Variants in SLC8A3 observed in about 807,000 individuals in gnomAD.
SLC8A3 encodes the protein sodium/calcium exchanger 3.
In SLC8A3, 37 loss-of-function variants were observed where a neutral mutation model predicts 65.4. The observed-to-expected ratio is 0.57, with a 90% CI of 0.44 to 0.74. SLC8A3 has a LOEUF of 0.74. Among genes scored for constraint, SLC8A3 ranks in the 30% least tolerant of loss-of-function variants. SLC8A3 has a pLI of 0.00. For missense variants in SLC8A3, 1,112 were observed against 1,172.1 expected, an observed-to-expected ratio of 0.95 and a Z score of 0.75; for synonymous variants, 461 against 444.5, an observed-to-expected ratio of 1.04 and a Z score of -0.47.
intron 2 of SLC8A3, among the ~76,000 whole-genome samples, chr14:70,145,512 C>T (rs1385006470): frequency 6.6e-6 from 1 of 152,162 alleles, no homozygotes; most frequent in Non-Finnish European, 1.5e-5. Flanking sequence ...AGCCCTGGCC[C>T]CCTCACTAGA....
chr14:70,158,444 A>G (rs1260955658), intron 2 of SLC8A3, among the ~76,000 whole-genome samples: 1 of 152,256 alleles, frequency 6.6e-6, no homozygotes, highest in African/African-American at 2.4e-5. Flanking sequence ...AGATGGCAGT[A>G]GTAGTCATCC....
chr14:70,127,158 T>C lies in SLC8A3; in HGVS notation c.1784+39481A>G, dbSNP rs558657440. Among the ~76,000 whole-genome samples the C allele has an allele frequency of 9.9e-5, 14 of 141,616 alleles. 1 individual carries two copies. The East Asian group carries it at 3.1e-3, about 31-fold the overall frequency. The allele number at this position is 141,616 out of a possible 152,430, so 92.9% of individuals were successfully genotyped here. A position where few individuals can be genotyped will look rare whatever the true frequency, so the allele number is the denominator to read the frequency against. ...AGTAATTTACAAGCAAATTAAACTA[T>C]AAGGGGGCAGAAAGGATTGGGGGTA... is the stretch of plus-strand genomic sequence containing the variant. On this transcript the variant is annotated intron_variant, in intron 2 of 6. Transcript: ENST00000356921.
intron 2 of SLC8A3, among the ~76,000 whole-genome samples, chr14:70,095,289 C>A (rs1228000346): frequency 6.6e-6 from 1 of 152,170 alleles, no homozygotes; most frequent in Non-Finnish European, 1.5e-5. Context: ...CCCTAGGACC[C>A]CCTGGCCAGC....
intron 2 of SLC8A3, among the ~76,000 whole-genome samples, chr14:70,127,209 CCA>C (rs750079521): frequency 4.0e-4 from 61 of 152,214 alleles, no homozygotes; most frequent in Middle Eastern, 3.4e-3. Context: ...AAGCTGTATT[CCA>C]GTCACCTACC....
chr14:70,109,027 GT>G (rs1257250998), intron 2 of SLC8A3, among the ~76,000 whole-genome samples: 3 of 152,168 alleles, frequency 2.0e-5, no homozygotes, highest in Middle Eastern at 3.4e-3. Context: ...ATTGATGTCT[GT>G]CTCAGCACTC....
chr14:70,049,017 G>C lies in SLC8A3; in HGVS notation c.2139C>G (p.Ser713=). The C allele has an allele frequency of 6.2e-7, 1 of 1,612,568 alleles. No homozygotes were observed. The highest frequency in any genetic ancestry group is 1.1e-5 in the South Asian group (1 of 90,842). The change falls in exon 6 of 7, where the codon TCC becomes TCG. Residue 713 remains serine, a synonymous_variant. Coordinates refer to ENST00000356921, the MANE Select transcript of SLC8A3 (RefSeq NM_182932.3). The stretch of plus-strand genomic sequence containing the variant: ...AGCAGGAGGGCAGCCTCTCCTCCCC[G>C]GATTCATCCTCATCCTCATCCCCTG... ...SAAGDEDEDE[S]GEERLPSCFD... is the part of the protein sequence containing the mutation.
chr14:70,107,445 C>T (rs1048762673), intron 2 of SLC8A3, among the ~76,000 whole-genome samples: 3 of 152,094 alleles, frequency 2.0e-5, no homozygotes, highest in African/African-American at 7.3e-5. Flanking sequence ...CAGATCCTAT[C>T]GACAAGGGCA....
intron 2 of SLC8A3, among the ~76,000 whole-genome samples, chr14:70,066,936 A>G (rs974648731): frequency 6.6e-6 from 1 of 152,112 alleles, no homozygotes; most frequent in African/African-American, 2.4e-5. Flanking sequence ...CCTTCCCCAC[A>G]TTATAGCCAG....
intron 2 of SLC8A3, among the ~76,000 whole-genome samples, chr14:70,102,818 A>G (rs1892626957): frequency 6.6e-6 from 1 of 152,124 alleles, no homozygotes; most frequent in Admixed American, 6.5e-5. Context: ...CTATGGGACA[A>G]CGTCATGCAG....
chr14:70,078,107 A>G (rs1890700763), intron 2 of SLC8A3, among the ~76,000 whole-genome samples: 4 of 152,240 alleles, frequency 2.6e-5, no homozygotes. Context: ...CAGGGCTGCT[A>G]CCTTTCCAAT....
At chr14:70,085,120 A>T (rs899879733) in intron 2 of SLC8A3, among the ~76,000 whole-genome samples, 2 of 152,360 alleles carry the variant, frequency 1.3e-5, no homozygotes. Flanking sequence ...TTCACATGAC[A>T]TGGACAAACA....
intron 2 of SLC8A3, 69 bp downstream of exon 2, chr14:70,166,570 T>C: frequency 1.1e-6 from 1 of 917,640 alleles, no homozygotes; most frequent in Middle Eastern, 2.4e-4. Flanking sequence ...TAAAGTGCAG[T>C]ACAGAAAGAC....
intron 2 of SLC8A3, among the ~76,000 whole-genome samples, chr14:70,146,886 A>G (rs1031329092): frequency 1.3e-5 from 2 of 152,248 alleles, no homozygotes; most frequent in Non-Finnish European, 2.9e-5. Flanking sequence ...GGCAGGAGTT[A>G]TAATGCTGTT....
intron 2 of SLC8A3, among the ~76,000 whole-genome samples, chr14:70,074,616 A>T (rs1890308795): frequency 6.6e-6 from 1 of 152,236 alleles, no homozygotes; most frequent in Non-Finnish European, 1.5e-5. Flanking sequence ...GTCTGAAGTT[A>T]TTCTTATGGT....
intron 2 of SLC8A3, among the ~76,000 whole-genome samples, chr14:70,108,422 G>GAAAAAGA (rs905314734): frequency 2.0e-5 from 3 of 150,064 alleles, no homozygotes; most frequent in Admixed American, 1.3e-4. Context: ...AAAGAAAAAT[G>GAAAAAGA]AAAAAGAAAA....
intron 2 of SLC8A3, among the ~76,000 whole-genome samples, chr14:70,091,955 G>C (rs532118606): frequency 1.3e-5 from 2 of 152,138 alleles, no homozygotes; most frequent in Non-Finnish European, 2.9e-5. Context: ...ATTGTGTTAT[G>C]GATATGTGGT....
At chr14:70,083,256 G>A (rs1442850110) in intron 2 of SLC8A3, among the ~76,000 whole-genome samples, 2 of 152,140 alleles carry the variant, frequency 1.3e-5, no homozygotes, top group East Asian at 3.9e-4. Flanking sequence ...TCTCCGGAGA[G>A]CTCTTTACAG....
chr14:70,156,775 C>T (rs1896600121), intron 2 of SLC8A3, among the ~76,000 whole-genome samples: 1 of 152,110 alleles, frequency 6.6e-6, no homozygotes, highest in Non-Finnish European at 1.5e-5. Flanking sequence ...GGGAGAGCCT[C>T]AGGAGTACTG....
intron 3 of SLC8A3, among the ~76,000 whole-genome samples, chr14:70,055,536 C>T (rs1279588535): frequency 6.6e-6 from 1 of 152,172 alleles, no homozygotes; most frequent in Non-Finnish European, 1.5e-5. Context: ...CTTAATTTCT[C>T]TTCCTGGTCC....
Sources: gnomAD v4.1 joint callset for allele counts (sites outside exome capture counted in the v4.1 genomes callset) on GRCh38, gnomAD v4.1.1 for gene constraint, MANE v1.5 for transcripts, NCBI Gene and HGNC (gene_info 2026-07-23, HGNC 2026-07-21) for gene names.